Variants in TOP2B observed in about 807,000 individuals in gnomAD.
The protein encoded by TOP2B is DNA topoisomerase 2-beta.
In TOP2B, 51 loss-of-function variants were observed where a neutral mutation model predicts 193.5. That is an observed-to-expected ratio of 0.26 (90% CI 0.21 to 0.33). The LOEUF (loss-of-function observed/expected upper bound fraction) is 0.33. TOP2B is among the 10% of genes least tolerant of loss of function. TOP2B has a pLI of 1.00. For synonymous variants in TOP2B, 634 were observed against 635.7 expected, an observed-to-expected ratio of 1.00 and a Z score of 0.04; for missense variants, 1,378 against 1,909.3, an observed-to-expected ratio of 0.72 and a Z score of 5.19.
intron 1 of TOP2B, among the ~76,000 whole-genome samples, chr3:25,656,626 T>C (rs576823968): frequency 2.6e-5 from 4 of 152,268 alleles, no homozygotes; most frequent in African/African-American, 9.6e-5. Context: ...TTTAAATTAG[T>C]AGTTTATCAA....
chr3:25,648,649 A>C lies in TOP2B; in HGVS notation c.70-3179T>G, dbSNP rs917989973. 2.6e-5 allele frequency among the ~76,000 whole-genome samples: 4 copies of C among 152,174 alleles called. No homozygotes were observed. In the South Asian group the frequency reaches 8.3e-4, roughly 32 times the overall value. On this transcript the variant is annotated intron_variant, in intron 1 of 35. Transcript: ENST00000264331. ...AGGCAGGCAGATCCCTTGAGCCCAG[A>C]GCTCAAAACCAGTCTGTGCAACATG...
intron 33 of TOP2B, among the ~76,000 whole-genome samples, chr3:25,602,738 T>C (rs1380210781): frequency 6.6e-6 from 1 of 152,154 alleles, no homozygotes; most frequent in Admixed American, 6.5e-5. Context: ...TTTTTTTCCT[T>C]GGCTTGGAGT....
In TOP2B at chr3:25,598,279, T is replaced by C. The variant is rs749557667; in HGVS notation, c.*28A>G. Reference sequence around the variant, plus strand: ...ACAAAAGGACAACACAAGATATTTGTTGAAAAATGTTTGTGCTCTTTGGGC... The same window carrying C: ...ACAAAAGGACAACACAAGATATTTGCTGAAAAATGTTTGTGCTCTTTGGGC... On this transcript the variant is annotated 3_prime_UTR_variant, in exon 36 of 36. Transcript: ENST00000264331. The C allele has an allele frequency of 2.3e-5, 36 of 1,579,334 alleles. No individual in the cohort carries two copies. Among genetic ancestry groups the C allele is most frequent in the African/African-American group, 2.7e-5 (2 of 74,062 alleles).
intron 22 of TOP2B, among the ~76,000 whole-genome samples, chr3:25,620,303 G>C (rs951756590): frequency 6.6e-6 from 1 of 151,782 alleles, no homozygotes; most frequent in African/African-American, 2.4e-5. Flanking sequence ...TAAAGGCTGA[G>C]TATGAAAAGG....
chr3:25,638,600 GCAA>G (rs1410972813), intron 4 of TOP2B, among the ~76,000 whole-genome samples: 1 of 151,656 alleles, frequency 6.6e-6, no homozygotes, highest in Non-Finnish European at 1.5e-5. Flanking sequence ...GACAAAAAAG[GCAA>G]CATACTCATG....
chr3:25,602,363 C>G (rs1702117158), intron 33 of TOP2B, among the ~76,000 whole-genome samples: 1 of 141,260 alleles, frequency 7.1e-6, no homozygotes, highest in Admixed American at 7.3e-5. Flanking sequence ...CGCTACTCCA[C>G]TCTAGCCTTG....
chr3:25,603,074 T>C (rs1702147984), intron 33 of TOP2B, among the ~76,000 whole-genome samples: 1 of 152,142 alleles, frequency 6.6e-6, no homozygotes, highest in Non-Finnish European at 1.5e-5. Flanking sequence ...ATAGGTACCA[T>C]GATAATCTAG....
intron 3 of TOP2B, 46 bp downstream of exon 3, chr3:25,643,648 G>T: frequency 7.2e-7 from 1 of 1,387,990 alleles, no homozygotes; most frequent in Non-Finnish European, 1.0e-6. Flanking sequence ...AGGACACTAT[G>T]ATGATATTAA....
At chr3:25,603,562 G>C (rs749418853) in intron 33 of TOP2B, among the ~76,000 whole-genome samples, 1 of 152,048 alleles carries the variant, frequency 6.6e-6, no homozygotes. Context: ...TTTTAAAAAA[G>C]AGAAATTATA....
chr3:25,622,223 T>C (rs1702676555), intron 21 of TOP2B, among the ~76,000 whole-genome samples: 1 of 152,188 alleles, frequency 6.6e-6, no homozygotes. Flanking sequence ...ATTGATCAAA[T>C]ACACTATCTT....
intron 33 of TOP2B, among the ~76,000 whole-genome samples, chr3:25,602,029 A>G (rs1311547862): frequency 6.6e-6 from 1 of 152,172 alleles, no homozygotes; most frequent in Non-Finnish European, 1.5e-5. Flanking sequence ...GACAATTGAT[A>G]CCAGGCCTTT....
Position 25,626,618 on chromosome 3 carries a change from C to A in TOP2B, c.2166G>T (p.Lys722Asn). 1 of 1,537,494 alleles carries A rather than the reference C, an allele frequency of 6.5e-7. No individual in the cohort carries two copies. Among genetic ancestry groups the A allele is most frequent in the Non-Finnish European group, 8.7e-7 (1 of 1,144,726 alleles). The change falls in exon 18 of 36, where the codon AAG (lysine) becomes AAT (asparagine). Residue 722 changes from lysine (K) to asparagine (N), a missense_variant. Lys to Asn is a moderately conservative substitution (Grantham distance 94). This residue lies in a region of TOP2B where 379 missense variants were observed against 615.1 expected (regional missense o/e 0.62). Transcript: ENST00000264331. ...KHLTYNDFIN[K>N]ELILFSNSDN... ...CTGAGTTTGAGAAGAGAATCAATTC[C>A]TTGTTGATGAAATCATTATAAGTCA... is the stretch of plus-strand genomic sequence containing the variant.
At chr3:25,643,896 G>A (rs1703335146) in intron 2 of TOP2B, 112 bp from the exon 3 acceptor site, 1 of 680,786 alleles carries the variant, frequency 1.5e-6, no homozygotes, top group Non-Finnish European at 2.5e-6. Context: ...GATCTGCAAA[G>A]TAGAAAAACA....
At position 25,624,806 on chromosome 3, in the gene TOP2B, A is replaced by G. The variant is rs1201879965; in HGVS notation, c.2225-3T>C. 6.2e-7 allele frequency: 1 copy of G among 1,610,626 alleles called. No individual in the cohort carries two copies. The highest frequency in any genetic ancestry group is 1.3e-5 in the African/African-American group (1 of 74,810). On this transcript the variant is annotated splice_polypyrimidine_tract_variant and splice_region_variant and intron_variant, in intron 18 of 35. Coordinates refer to ENST00000264331, the MANE Select transcript of TOP2B (RefSeq NM_001330700.2). ...TTTCCGCTGGCCAGGTTTAAAGCCT[A>G]TTTTTAAAAGAGCTCTTTTAAAATG...
In TOP2B at chr3:25,615,794, G is replaced by A. The variant is rs1702487185; in HGVS notation, c.3352-208C>T. 3.2e-5 allele frequency: 12 copies of A among 380,800 alleles called. No homozygotes were observed. The South Asian group carries it at 9.2e-4, about 29-fold the overall frequency. The allele number at this position is 380,800 out of a possible 1,614,324, so 23.6% of individuals were successfully genotyped here. On this transcript the variant is annotated intron_variant, in intron 25 of 35. Coordinates refer to ENST00000264331, the MANE Select transcript of TOP2B (RefSeq NM_001330700.2). Reference sequence around the variant, plus strand: ...CTAAAGACGCACAATAAGATCTTCAGAAGGAATGGTATACACTATCCCTAT... The same window carrying A: ...CTAAAGACGCACAATAAGATCTTCAAAAGGAATGGTATACACTATCCCTAT...
Position 25,598,472 on chromosome 3 carries a change from C to A in TOP2B, c.4716G>T (p.Pro1572=). 6.4e-7 allele frequency: 1 copy of A among 1,558,224 alleles called. No homozygotes were observed. The highest frequency in any genetic ancestry group is 1.7e-4 in the Middle Eastern group (1 of 5,890). ...RKTSKTTSKK[P]KKTSFDQDSD... is the part of the protein sequence containing the mutation. Reference sequence around the variant, plus strand: ...AATCCTGATCAAAAGATGTCTTCTTCGGTTTCTAGATTTTTTTTCAATAGA... The same window carrying A: ...AATCCTGATCAAAAGATGTCTTCTTAGGTTTCTAGATTTTTTTTCAATAGA... Residue 1572 remains proline (P), a synonymous_variant, in exon 36 of 36, where the codon CCG becomes CCT. Transcript: ENST00000264331.
At chr3:25,659,045 A>G (rs1409944090) in intron 1 of TOP2B, among the ~76,000 whole-genome samples, 1 of 152,182 alleles carries the variant, frequency 6.6e-6, no homozygotes, top group African/African-American at 2.4e-5. Flanking sequence ...TCACCAGGCC[A>G]ACAAGAGTGG....
intron 1 of TOP2B, among the ~76,000 whole-genome samples, chr3:25,651,105 T>C (rs931516786): frequency 4.6e-5 from 7 of 152,214 alleles, no homozygotes; most frequent in African/African-American, 7.2e-5. Context: ...CATGAACTTT[T>C]TGAAGACTAT....
rs530812025 is a variant in TOP2B, at chr3:25,635,672, A to G, written c.852+264T>C. Among the ~76,000 whole-genome samples, 3 of 152,272 alleles carry G rather than the reference A, an allele frequency of 2.0e-5. No individual in the cohort carries two copies. The South Asian group carries it at 6.2e-4, about 32-fold the overall frequency. On this transcript the variant is annotated intron_variant, in intron 7 of 35. Transcript: ENST00000264331. ...AAACCAATACAAAAAGTGGAAGTAG[A>G]GTGAATAAAATAGACAAAGCATGCA...
Sources: allele counts gnomAD v4.1 joint callset (sites outside exome capture counted in the v4.1 genomes callset), GRCh38; gene constraint gnomAD v4.1.1; regional missense constraint gnomAD v4.1.1; transcripts MANE v1.5; gene names NCBI Gene and HGNC (gene_info 2026-07-23, HGNC 2026-07-21).